BNC2: variants seen among roughly 807,000 people sequenced by gnomAD.
BNC2 encodes the protein basonuclin zinc finger protein 2.
A neutral mutation model predicts 76.3 loss-of-function variants in BNC2; 20 were observed. The ratio of observed to expected loss-of-function variants is 0.26; its 90% CI spans 0.18 to 0.38. The LOEUF is 0.38. Ranked by LOEUF, BNC2 falls within the 10% of genes least tolerant of loss-of-function variation. The pLI, the probability that BNC2 is intolerant of heterozygous loss-of-function variation, is 1.00. For synonymous variants in BNC2, 582 were observed against 514.8 expected (o/e 1.13, Z -1.77); for missense variants, 1,382 against 1,399.8 (o/e 0.99, Z 0.20).
chr9:16,577,838 G>C (rs1819527174), intron 4 of BNC2, among the ~76,000 whole-genome samples: 1 of 152,042 alleles, frequency 6.6e-6, no homozygotes, highest in Non-Finnish European at 1.5e-5. Flanking sequence ...TCTTGAAAGT[G>C]AATGAAGATT....
rs1238044388 is a variant in BNC2, at chr9:16,415,635, C to CA, written c.*3353dup. ...TTATCCTTCCTGTTTGCAAATAAGC[C>CA]ATGGGATCACCATCTTAACTAGAAT... On this transcript the variant is annotated 3_prime_UTR_variant, in exon 7 of 7. Transcript: ENST00000380672. 1.3e-5 allele frequency: 2 copies of CA among 152,154 alleles called. No individual in the cohort carries two copies. The highest frequency in any genetic ancestry group is 1.3e-4 in the Admixed American group (2 of 15,286). The allele number at this position is 152,154 out of a possible 1,614,324, so 9.4% of individuals were successfully genotyped here.
At chr9:16,672,562 G>C (rs185443931) in intron 3 of BNC2, among the ~76,000 whole-genome samples, 106 of 152,232 alleles carry the variant, frequency 7.0e-4, no homozygotes, top group African/African-American at 2.5e-3. Context: ...AACTGTTCAG[G>C]ACAAAATGAA....
chr9:16,750,335 C>A (rs1326627531), intron 1 of BNC2, among the ~76,000 whole-genome samples: 4 of 152,164 alleles, frequency 2.6e-5, no homozygotes, highest in Non-Finnish European at 5.9e-5. Context: ...TGGCTGAACA[C>A]TAAAATTATG....
chr9:16,485,203 T>C (rs1822138866), intron 5 of BNC2, among the ~76,000 whole-genome samples: 1 of 152,132 alleles, frequency 6.6e-6, no homozygotes, highest in Non-Finnish European at 1.5e-5. Flanking sequence ...GGAGTTCAGC[T>C]TCCATCTAAA....
At chr9:16,612,494 CA>C (rs1820577088) in intron 3 of BNC2, among the ~76,000 whole-genome samples, 1 of 152,012 alleles carries the variant, frequency 6.6e-6, no homozygotes, top group Non-Finnish European at 1.5e-5. Context: ...ATAAGAAATA[CA>C]AAATATTATA....
chr9:16,737,981 A>T (rs1039071129), intron 2 of BNC2, among the ~76,000 whole-genome samples: 1 of 152,138 alleles, frequency 6.6e-6, no homozygotes, highest in Non-Finnish European at 1.5e-5. Context: ...TCAGTTTTAA[A>T]AGTTTACTAC....
chr9:16,525,078 G>GA (rs1346574921), intron 5 of BNC2, among the ~76,000 whole-genome samples: 3 of 137,208 alleles, frequency 2.2e-5, no homozygotes, highest in Non-Finnish European at 4.5e-5. Context: ...AGTGGGGGAG[G>GA]GGGGGGGAAG....
chr9:16,512,693 T>C (rs530179641), intron 5 of BNC2, among the ~76,000 whole-genome samples: 34 of 152,330 alleles, frequency 2.2e-4, no homozygotes, highest in African/African-American at 7.5e-4. Context: ...GGGGTTTCTA[T>C]AAAAAACTAG....
At chr9:16,634,027 G>A (rs989150251) in intron 3 of BNC2, among the ~76,000 whole-genome samples, 1 of 152,104 alleles carries the variant, frequency 6.6e-6, no homozygotes, top group Non-Finnish European at 1.5e-5. Context: ...CTATCCAAGC[G>A]TTTCTCTTGA....
intron 2 of BNC2, among the ~76,000 whole-genome samples, chr9:16,734,212 G>A (rs1209755578): frequency 1.3e-5 from 2 of 152,136 alleles, no homozygotes; most frequent in African/African-American, 4.8e-5. Flanking sequence ...CCAACTACTG[G>A]ATCTAACCTA....
intron 5 of BNC2, among the ~76,000 whole-genome samples, chr9:16,451,132 G>A (rs1821331561): frequency 2.0e-5 from 3 of 152,054 alleles, no homozygotes; most frequent in Admixed American, 6.6e-5. Flanking sequence ...TTTGCAGCCT[G>A]GGGAAAATAA....
At chr9:16,752,760 C>A (rs898122612) in intron 1 of BNC2, among the ~76,000 whole-genome samples, 1 of 152,144 alleles carries the variant, frequency 6.6e-6, no homozygotes, top group African/African-American at 2.4e-5. Flanking sequence ...CAATAACTTG[C>A]CGTATTTGTG....
At chr9:16,477,850 T>C (rs952407033) in intron 5 of BNC2, among the ~76,000 whole-genome samples, 16 of 152,166 alleles carry the variant, frequency 1.1e-4, no homozygotes, top group African/African-American at 3.9e-4. Flanking sequence ...GCTCCTACTT[T>C]AGAAGCAACT....
chr9:16,559,943 T>C (rs1310243176), intron 4 of BNC2, among the ~76,000 whole-genome samples: 1 of 152,190 alleles, frequency 6.6e-6, no homozygotes, highest in Non-Finnish European at 1.5e-5. Flanking sequence ...CAAAGTACTG[T>C]GGGACACAGA....
chr9:16,746,723 G>A (rs923840600), intron 1 of BNC2, among the ~76,000 whole-genome samples: 1 of 151,430 alleles, frequency 6.6e-6, no homozygotes, highest in Non-Finnish European at 1.5e-5. Context: ...AGCACTTTTG[G>A]AGGCCGAGGC....
chr9:16,427,198 A>G (rs1276435269), intron 6 of BNC2, among the ~76,000 whole-genome samples: 1 of 152,250 alleles, frequency 6.6e-6, no homozygotes, highest in Non-Finnish European at 1.5e-5. Context: ...CAGCAGCTCA[A>G]ATATAATTAA....
At chr9:16,706,506 TCTTA>T (rs1823678009) in intron 3 of BNC2, among the ~76,000 whole-genome samples, 1 of 152,156 alleles carries the variant, frequency 6.6e-6, no homozygotes, top group East Asian at 1.9e-4. Flanking sequence ...ATGAAGAACA[TCTTA>T]CTTCATCTAA....
chr9:16,496,837 G>C (rs911773392), intron 5 of BNC2, among the ~76,000 whole-genome samples: 15 of 152,208 alleles, frequency 9.9e-5, no homozygotes, highest in Non-Finnish European at 2.1e-4. Context: ...AGCCGATGCT[G>C]TATTTACCAG....
chr9:16,770,297 C>G (rs1035549720), intron 1 of BNC2, among the ~76,000 whole-genome samples: 3 of 152,126 alleles, frequency 2.0e-5, no homozygotes, highest in Non-Finnish European at 4.4e-5. Context: ...TGTGCTCTTT[C>G]TATTCAGGTA....
Sources: allele counts gnomAD v4.1 joint callset (sites outside exome capture counted in the v4.1 genomes callset), GRCh38; gene constraint gnomAD v4.1.1; transcripts MANE v1.5; gene names NCBI Gene and HGNC (gene_info 2026-07-23, HGNC 2026-07-21).